The following ASTN2 variants were observed in gnomAD, a reference collection of about 807,000 sequenced individuals.
ASTN2 encodes the protein astrotactin-2.
ASTN2 carries 54 observed loss-of-function variants against 139.8 expected under a neutral mutation model. The observed-to-expected ratio is 0.39, with a 90% CI of 0.31 to 0.48. The LOEUF is 0.48. Among genes scored for constraint, ASTN2 ranks in the 20% least tolerant of loss-of-function variants. The probability of loss-of-function intolerance (pLI) is 0.95; values close to 1 mark genes in which losing one functional copy is unlikely to be tolerated. For missense variants in ASTN2, 1,565 were observed against 1,725.1 expected, an observed-to-expected ratio of 0.91 and a Z score of 1.64; for synonymous variants, 756 against 719.5, an observed-to-expected ratio of 1.05 and a Z score of -0.81.
At chr9:116,659,687 C>A (rs996580933) in intron 16 of ASTN2, among the ~76,000 whole-genome samples, 2 of 152,130 alleles carry the variant, frequency 1.3e-5, no homozygotes, top group East Asian at 1.9e-4. Context: ...CCAGGTAATG[C>A]CCCCAATCTC....
intron 2 of ASTN2, among the ~76,000 whole-genome samples, chr9:117,233,867 C>G (rs1303903714): frequency 6.6e-6 from 1 of 152,126 alleles, no homozygotes; most frequent in Non-Finnish European, 1.5e-5. Flanking sequence ...GCCTAAATTT[C>G]TGTTTCTGTG....
intron 19 of ASTN2, among the ~76,000 whole-genome samples, chr9:116,532,749 G>A (rs907426751): frequency 4.6e-5 from 7 of 152,194 alleles, no homozygotes; most frequent in African/African-American, 1.4e-4. Flanking sequence ...GTACTATGCT[G>A]TTTTGGTTAC....
At chr9:117,412,697 A>G (rs900709048) in intron 1 of ASTN2, among the ~76,000 whole-genome samples, 5 of 151,914 alleles carry the variant, frequency 3.3e-5, no homozygotes, top group African/African-American at 9.7e-5. Context: ...GAGGATTTCC[A>G]CCCCTCATCT....
intron 11 of ASTN2, among the ~76,000 whole-genome samples, chr9:116,832,737 T>C (rs1831852288): frequency 6.6e-6 from 1 of 152,088 alleles, no homozygotes; most frequent in Non-Finnish European, 1.5e-5. Flanking sequence ...ATCTTTTATG[T>C]ATTGTTGAAT....
At chr9:116,521,879 A>G (rs1243762032) in intron 19 of ASTN2, among the ~76,000 whole-genome samples, 2 of 152,196 alleles carry the variant, frequency 1.3e-5, no homozygotes, top group Non-Finnish European at 2.9e-5. Context: ...TTCTCAAAAG[A>G]AGATATACAA....
chr9:116,921,440 T>A (rs373886675), intron 10 of ASTN2, among the ~76,000 whole-genome samples: 124 of 152,020 alleles, frequency 8.2e-4, no homozygotes, highest in African/African-American at 2.9e-3. Flanking sequence ...TACAAAAAAT[T>A]AGCCAGGTGT....
intron 3 of ASTN2, among the ~76,000 whole-genome samples, chr9:117,163,981 G>C (rs1347873381): frequency 6.6e-6 from 1 of 152,074 alleles, no homozygotes; most frequent in African/African-American, 2.4e-5. Context: ...CTATATGTCT[G>C]ATAAATGAAT....
At chr9:117,154,015 CT>C (rs1331473636) in intron 3 of ASTN2, among the ~76,000 whole-genome samples, 1 of 152,070 alleles carries the variant, frequency 6.6e-6, no homozygotes, top group African/African-American at 2.4e-5. Flanking sequence ...ATTCTCACTA[CT>C]TCAACTGTCA....
chr9:117,365,798 G>A (rs1028624028), intron 1 of ASTN2, among the ~76,000 whole-genome samples: 3 of 152,204 alleles, frequency 2.0e-5, no homozygotes, highest in Admixed American at 1.3e-4. Flanking sequence ...GCTTTGCCAA[G>A]GGTGAAGGCA....
At chr9:116,928,504 C>T (rs1377111802) in intron 10 of ASTN2, among the ~76,000 whole-genome samples, 1 of 152,138 alleles carries the variant, frequency 6.6e-6, no homozygotes, top group Non-Finnish European at 1.5e-5. Flanking sequence ...TATGTACTTC[C>T]AGTTTCTGCA....
rs533093824 is a variant in ASTN2 at position 116,593,885 on chromosome 9, A to T, written c.3355+24439T>A. Among the ~76,000 whole-genome samples the T allele has an allele frequency of 1.8e-4, 27 of 152,232 alleles. No individual in the cohort carries two copies. In the South Asian group the frequency reaches 5.4e-3, roughly 30 times the overall value. ...TCCTTCCAGGTTGAGATGAAAGCCC[A>T]CTTTATTCACAAAGGCCGCACATCC... On this transcript the variant is annotated intron_variant, in intron 19 of 22. Coordinates refer to ENST00000313400, the MANE Select transcript of ASTN2 (RefSeq NM_001365068.1).
At chr9:117,187,704 C>T (rs1831237990) in intron 3 of ASTN2, among the ~76,000 whole-genome samples, 2 of 152,124 alleles carry the variant, frequency 1.3e-5, no homozygotes, top group Non-Finnish European at 2.9e-5. Flanking sequence ...GCAAGAAGGC[C>T]CTCACCAGAT....
At chr9:117,230,601 C>T (rs1832861212) in intron 2 of ASTN2, among the ~76,000 whole-genome samples, 1 of 152,100 alleles carries the variant, frequency 6.6e-6, no homozygotes, top group Non-Finnish European at 1.5e-5. Flanking sequence ...ACTATTAAAC[C>T]CCGTACACTG....
chr9:116,813,258 C>A (rs1466288001), intron 12 of ASTN2, among the ~76,000 whole-genome samples: 1 of 152,166 alleles, frequency 6.6e-6, no homozygotes, highest in Non-Finnish European at 1.5e-5. Flanking sequence ...ACACACCCAT[C>A]ACATTATAGA....
At chr9:116,601,720 C>T (rs544414881) in intron 19 of ASTN2, among the ~76,000 whole-genome samples, 5 of 152,140 alleles carry the variant, frequency 3.3e-5, no homozygotes, top group Non-Finnish European at 7.4e-5. Context: ...TGGAAAGGAG[C>T]AAACTTGTAG....
intron 10 of ASTN2, among the ~76,000 whole-genome samples, chr9:116,926,435 C>G (rs911811024): frequency 2.6e-5 from 4 of 152,148 alleles, no homozygotes; most frequent in African/African-American, 7.2e-5. Flanking sequence ...AACTTCTCTG[C>G]TCTTTCCTCC....
Position 116,463,908 on chromosome 9 carries a change from G to GTTTTTTTT in ASTN2, c.3498-21363_3498-21356dup, listed in dbSNP as rs71502069. On this transcript the variant is annotated intron_variant, in intron 20 of 22. Transcript: ENST00000313400. ...CATGCCACCATGAACAGAGTTTTGT[G>GTTTTTTTT]TTTTTTTTTTTTTTTTTTTGAGAGA... Among the ~76,000 whole-genome samples the GTTTTTTTT allele has an allele frequency of 1.1e-4, 13 of 115,904 alleles. 1 individual carries two copies. The highest frequency in any genetic ancestry group is 2.1e-4 in the Non-Finnish European group (12 of 56,584). 76.0% of individuals were successfully genotyped at this position (115,904 alleles called of 152,430 possible). A position where few individuals can be genotyped will look rare whatever the true frequency, so the allele number is the denominator to read the frequency against.
intron 3 of ASTN2, among the ~76,000 whole-genome samples, chr9:117,157,118 G>A (rs1242551368): frequency 6.6e-6 from 1 of 151,982 alleles, no homozygotes; most frequent in African/African-American, 2.4e-5. Flanking sequence ...CAGCAAATTG[G>A]CAAGTTTCCA....
intron 5 of ASTN2, among the ~76,000 whole-genome samples, chr9:117,050,017 A>T (rs1414940873): frequency 6.6e-6 from 1 of 152,144 alleles, no homozygotes; most frequent in Non-Finnish European, 1.5e-5. Context: ...TTCATAGGTG[A>T]CTATCAATCG....
Sources: gnomAD v4.1 joint callset for allele counts (sites outside exome capture counted in the v4.1 genomes callset) on GRCh38, gnomAD v4.1.1 for gene constraint, MANE v1.5 for transcripts, NCBI Gene and HGNC (gene_info 2026-07-23, HGNC 2026-07-21) for gene names.